PLCH2: variants seen among roughly 807,000 people sequenced by gnomAD.
The protein encoded by PLCH2 is 1-phosphatidylinositol 4,5-bisphosphate phosphodiesterase eta-2.
A neutral mutation model predicts 134.7 loss-of-function variants in PLCH2; 98 were observed. That is an observed-to-expected ratio of 0.73 (90% CI 0.62 to 0.86). The LOEUF is 0.86. Ranked by LOEUF, PLCH2 falls within the 40% of genes least tolerant of loss-of-function variation. The probability of loss-of-function intolerance (pLI) is 0.00; values close to 1 mark genes in which losing one functional copy is unlikely to be tolerated. For missense variants in PLCH2, 1,994 were observed against 1,986.6 expected (o/e 1.00, Z -0.07); for synonymous variants, 974 against 827.5 (o/e 1.18, Z -3.04).
At chr1:2,465,289 CG>C (rs937811149), upstream of PLCH2, among the ~76,000 whole-genome samples, 1 of 152,184 alleles carries the variant, frequency 6.6e-6, no homozygotes, top group African/African-American at 2.4e-5. Flanking sequence ...CTCTCAGACC[CG>C]GAAGGCAAGA....
rs370514223 is a variant in PLCH2 at position 2,498,557 on chromosome 1, C to T, written c.2259C>T (p.Pro753=). The change falls in exon 17 of 22, where the codon CCC becomes CCT. Residue 753 remains proline, a synonymous_variant. Coordinates refer to ENST00000378486, the MANE Select transcript of PLCH2 (RefSeq NM_014638.4). The surrounding 1 kb of genome is among the most constrained non-coding windows in gnomAD (Gnocchi z 5.4). ...ACCCCAACTCGGAGGACCCCCTGCC[C>T]GGGCAGCTCAAGAAGCAGCTGGTGC... The part of the protein sequence containing the change: ...VFNPNSEDPL[P]GQLKKQLVLR... 1,051 of 1,607,192 alleles carry T rather than the reference C, an allele frequency of 6.5e-4. No homozygotes were observed. Among genetic ancestry groups the T allele is most frequent in the Non-Finnish European group, 7.8e-4 (923 of 1,178,562 alleles).
intron 2 of PLCH2, among the ~76,000 whole-genome samples, chr1:2,453,534 T>C (rs1168682594): frequency 2.6e-5 from 4 of 152,028 alleles, no homozygotes; most frequent in Non-Finnish European, 5.9e-5. Flanking sequence ...CAGGACCTCC[T>C]TCACGTGTCC....
chr1:2,492,133 C>T lies in PLCH2; in HGVS notation c.1659+798C>T, dbSNP rs1051415076. On this transcript the variant is annotated intron_variant, in intron 11 of 21. Coordinates refer to ENST00000378486, the MANE Select transcript of PLCH2 (RefSeq NM_014638.4). ...TCCCTGCAGGGACCTTGCTCTTTTC[C>T]TAACCCTTGGGGAGGGTGGGAAGGT... 6.6e-5 allele frequency among the ~76,000 whole-genome samples: 10 copies of T among 152,208 alleles called. No homozygotes were observed. In the South Asian group the frequency reaches 2.1e-3, roughly 31 times the overall value.
In PLCH2 at chr1:2,499,693, T is replaced by C. The variant is rs1475852683; in HGVS notation, c.2634T>C (p.His878=). The change falls in exon 20 of 22, where the codon CAT becomes CAC. Residue 878 remains histidine (H), a synonymous_variant. Transcript: ENST00000378486. ...EGMEEASIFV[H]VAVSDISGKV... ...TGGAAGAGGCCTCCATCTTCGTGCA[T>C]GTGGCTGTCAGTGACATCAGCGGTA... 1.0e-5 allele frequency: 16 copies of C among 1,596,366 alleles called. No individual in the cohort carries two copies. In the African/African-American group the frequency reaches 1.6e-4, roughly 16 times the overall value.
intron 1 of PLCH2, among the ~76,000 whole-genome samples, chr1:2,470,564 G>T: frequency 6.6e-6 from 1 of 152,216 alleles, no homozygotes; most frequent in East Asian, 1.9e-4. Context: ...GCAGCCCCGT[G>T]CCGGGACGGA....
At chr1:2,480,651 C>G (rs1353459799) in intron 4 of PLCH2, among the ~76,000 whole-genome samples, 1 of 152,206 alleles carries the variant, frequency 6.6e-6, no homozygotes, top group Non-Finnish European at 1.5e-5. Context: ...GCTGCACCCC[C>G]TTCCCAGGCC....
intron 2 of PLCH2, among the ~76,000 whole-genome samples, chr1:2,461,171 C>G (rs1187202581): frequency 6.6e-6 from 1 of 152,210 alleles, no homozygotes; most frequent in African/African-American, 2.4e-5. Context: ...GCCAGGCTGG[C>G]CAAGGCTCTG....
intron 2 of PLCH2, among the ~76,000 whole-genome samples, chr1:2,460,368 G>T (rs1396331657): frequency 1.3e-5 from 2 of 152,248 alleles, no homozygotes; most frequent in Non-Finnish European, 2.9e-5. Flanking sequence ...TCTAAGCCAT[G>T]CCCACACACA....
intron 5 of PLCH2, among the ~76,000 whole-genome samples, chr1:2,486,620 T>C (rs1228266181): frequency 1.3e-5 from 2 of 152,210 alleles, no homozygotes; most frequent in African/African-American, 4.8e-5. Context: ...TGGCCTCTGC[T>C]CCGTGCCAGG....
At chr1:2,503,572 CT>C (rs758941290) in intron 21 of PLCH2, 9 of 686,740 alleles carry the variant, frequency 1.3e-5, no homozygotes, top group Middle Eastern at 2.3e-4. Context: ...CCAGACCCCC[CT>C]GACCAAGCTT....
rs866085915 is a variant in PLCH2 at position 2,431,679 on chromosome 1, C to T, written c.115+1050C>T. 2.2e-4 allele frequency among the ~76,000 whole-genome samples: 33 copies of T among 152,248 alleles called. No individual in the cohort carries two copies. The South Asian group carries it at 2.7e-3, about 12-fold the overall frequency. ...GAAACAGTATCAGGTCCAGGGGCAA[C>T]GGTTCCCAGGATAGAGGACTCCTGC... On this transcript the variant is annotated intron_variant, in intron 2 of 3. Transcript: ENST00000609981.
At chr1:2,485,028 G>A (rs1265174972) in intron 5 of PLCH2, among the ~76,000 whole-genome samples, 1 of 152,088 alleles carries the variant, frequency 6.6e-6, no homozygotes, top group Non-Finnish European at 1.5e-5. Context: ...CAGCCTTTGA[G>A]ACCTGCCCCT....
chr1:2,418,985 C>G, the PLCH2 span, among the ~76,000 whole-genome samples: 1 of 152,226 alleles, frequency 6.6e-6, no homozygotes, highest in African/African-American at 2.4e-5. Flanking sequence ...CGAGAGAGGA[C>G]CTGCTCACCT....
chr1:2,482,040 G>A (rs1340277666), intron 4 of PLCH2, among the ~76,000 whole-genome samples: 2 of 152,236 alleles, frequency 1.3e-5, no homozygotes, highest in African/African-American at 2.4e-5. Context: ...GGACCCAGTG[G>A]GGCCTAATTG....
rs1049884946 is a variant in PLCH2 at position 2,493,984 on chromosome 1, G to A, written c.1660-872G>A. On this transcript the variant is annotated intron_variant, in intron 11 of 21. Transcript: ENST00000378486. ...GTGCAGAGGGGTGGGCGTGTACAGG[G>A]GCATGGCCACGGGTGGGTGATGTGT... The A allele has an allele frequency of 9.8e-5, 15 of 152,806 alleles. No homozygotes were observed. In the South Asian group the frequency reaches 2.7e-3, roughly 27 times the overall value. The allele number at this position is 152,806 out of a possible 1,614,324, so 9.5% of individuals were successfully genotyped here.
intron 1 of PLCH2, among the ~76,000 whole-genome samples, chr1:2,428,797 G>A (rs889076911): frequency 1.1e-4 from 16 of 152,248 alleles, no homozygotes; most frequent in South Asian, 4.1e-4. Flanking sequence ...CAGCCGCCTC[G>A]GGGAACCCGG....
rs569786823 is a variant in PLCH2, at chr1:2,488,105, C to T, written c.1235+387C>T. ...AAATTAGTTTCTGGAATTAGAAGAC[C>T]GCCTCCCCGTGTGGTTTGAATTACC... is the stretch of plus-strand genomic sequence containing the variant. On this transcript the variant is annotated intron_variant, in intron 8 of 21. Coordinates refer to ENST00000378486, the MANE Select transcript of PLCH2 (RefSeq NM_014638.4). Among the ~76,000 whole-genome samples, 350 of 152,308 alleles carry T rather than the reference C, an allele frequency of 2.3e-3. 1 individual carries two copies. The highest frequency in any genetic ancestry group is 7.9e-3 in the African/African-American group (327 of 41,568).
At chr1:2,462,454 A>ACC in intron 2 of PLCH2, among the ~76,000 whole-genome samples, 1 of 129,364 alleles carries the variant, frequency 7.7e-6, no homozygotes, top group Admixed American at 7.6e-5. Context: ...ACACCCCTCC[A>ACC]TCTGACACCC....
Position 2,497,609 on chromosome 1 carries a change from G to C in PLCH2, c.2224G>C (p.Gly742Arg). ...YVLKPGCMCQ[G>R]VFNPNSEDPL... ...ACTCAAGCCTGGGTGCATGTGCCAG[G>C]GTGAGGCACTCGGACACTCAGGGCT... Residue 742 changes from glycine to arginine, a missense_variant and splice_region_variant, in exon 16 of 22, where the codon GGC (glycine) becomes CGC (arginine). By Grantham distance (125) the Gly-to-Arg change is moderately radical. Coordinates refer to ENST00000378486, the MANE Select transcript of PLCH2 (RefSeq NM_014638.4). 6.5e-7 allele frequency: 1 copy of C among 1,549,866 alleles called. No individual in the cohort carries two copies. Among genetic ancestry groups the C allele is most frequent in the South Asian group, 1.2e-5 (1 of 84,148 alleles).
Sources: allele counts gnomAD v4.1 joint callset (sites outside exome capture counted in the v4.1 genomes callset), GRCh38; gene constraint gnomAD v4.1.1; non-coding constraint Gnocchi (gnomAD v3.1); transcripts MANE v1.5; gene names NCBI Gene and HGNC (gene_info 2026-07-23, HGNC 2026-07-21).